Variants in CDC42SE2 observed in about 807,000 individuals in gnomAD.
The protein encoded by CDC42SE2 is CDC42 small effector 2, also known as CDC42 small effector protein 2.
A neutral mutation model predicts 11.5 loss-of-function variants in CDC42SE2; 3 were observed. The ratio of observed to expected loss-of-function variants is 0.26; its 90% confidence interval spans 0.12 to 0.67. CDC42SE2 has a LOEUF of 0.67. Ranked by LOEUF, CDC42SE2 falls within the 30% of genes least tolerant of loss-of-function variation. The pLI is 0.80. For synonymous variants in CDC42SE2, 33 were observed against 34.8 expected, an observed-to-expected ratio of 0.95 and a Z score of 0.18; for missense variants, 82 against 106.8, an observed-to-expected ratio of 0.77 and a Z score of 1.02.
At chr5:131,316,480 C>T (rs539897032) in intron 2 of CDC42SE2, among the ~76,000 whole-genome samples, 1 of 152,284 alleles carries the variant, frequency 6.6e-6, no homozygotes, top group South Asian at 2.1e-4. Flanking sequence ...CCATTTTAAT[C>T]TTAGTTGTGG....
At chr5:131,279,773 A>C (rs1436272912) in intron 1 of CDC42SE2, among the ~76,000 whole-genome samples, 3 of 152,118 alleles carry the variant, frequency 2.0e-5, no homozygotes, top group Admixed American at 2.0e-4. Flanking sequence ...TTATTGTTTA[A>C]AAATTGAACT....
chr5:131,232,459 A>G, the CDC42SE2 span, among the ~76,000 whole-genome samples: 3 of 152,088 alleles, frequency 2.0e-5, no homozygotes, highest in African/African-American at 7.2e-5. Flanking sequence ...TATCCTGGGC[A>G]CAGTGGCTCA....
intron 3 of CDC42SE2, among the ~76,000 whole-genome samples, chr5:131,374,687 C>G (rs1274579364): frequency 2.0e-5 from 3 of 151,860 alleles, no homozygotes; most frequent in Non-Finnish European, 4.4e-5. Flanking sequence ...TGTAAACACT[C>G]TTCACATAGA....
chr5:131,319,538 A>T (rs1758116726), intron 2 of CDC42SE2, among the ~76,000 whole-genome samples: 1 of 152,168 alleles, frequency 6.6e-6, no homozygotes, highest in Non-Finnish European at 1.5e-5. Context: ...TTTGACATGC[A>T]GTATTGTTTC....
intron 3 of CDC42SE2, among the ~76,000 whole-genome samples, chr5:131,365,482 G>T (rs922690969): frequency 6.6e-6 from 1 of 152,108 alleles, no homozygotes; most frequent in Admixed American, 6.6e-5. Flanking sequence ...ACCTCGTATG[G>T]CACAGATTTG....
intron 3 of CDC42SE2, among the ~76,000 whole-genome samples, chr5:131,372,876 T>C (rs1750050227): frequency 6.6e-6 from 1 of 152,188 alleles, no homozygotes; most frequent in Non-Finnish European, 1.5e-5. Flanking sequence ...TATATTAAGA[T>C]AATTTATGTA....
At chr5:131,342,388 C>CTTTTTTTTTTTGTTTTTTTTTTTTT (rs1758732439) in intron 2 of CDC42SE2, among the ~76,000 whole-genome samples, 1 of 111,334 alleles carries the variant, frequency 9.0e-6, no homozygotes, top group African/African-American at 4.4e-5. Flanking sequence ...TTTTAATAGT[C>CTTTTTTTTTTTGTTTTTTTTTTTTT]TTTTTTTTTT....
intron 2 of CDC42SE2, among the ~76,000 whole-genome samples, chr5:131,320,304 A>G (rs1446927141): frequency 6.6e-6 from 1 of 151,802 alleles, no homozygotes; most frequent in East Asian, 1.9e-4. Flanking sequence ...AGGCAGGAGA[A>G]TAGCTTGAAT....
the CDC42SE2 span, among the ~76,000 whole-genome samples, chr5:131,237,822 C>G: frequency 1.3e-4 from 20 of 152,174 alleles, no homozygotes; most frequent in Admixed American, 6.5e-5. Flanking sequence ...CTCCTAGCCT[C>G]AAGTGATGAT....
At chr5:131,340,830 A>C (rs1758695014) in intron 2 of CDC42SE2, among the ~76,000 whole-genome samples, 1 of 152,020 alleles carries the variant, frequency 6.6e-6, no homozygotes, top group East Asian at 1.9e-4. Flanking sequence ...GGCATGTACC[A>C]CCATGTCTGG....
At chr5:131,298,417 C>T (rs10077715) in intron 1 of CDC42SE2, among the ~76,000 whole-genome samples, 17,199 of 151,482 alleles carry the variant, frequency 0.11, 2,216 homozygotes, top group African/African-American at 0.32. Flanking sequence ...CCACCGCGCC[C>T]GGCATCTTTA....
At chr5:131,340,032 AGATT>A (rs1469200009) in intron 2 of CDC42SE2, among the ~76,000 whole-genome samples, 1 of 152,232 alleles carries the variant, frequency 6.6e-6, no homozygotes, top group African/African-American at 2.4e-5. Context: ...ACCAAGAATT[AGATT>A]GATAGTCTAC....
At chr5:131,363,100 C>T (rs375358296) in intron 3 of CDC42SE2, among the ~76,000 whole-genome samples, 12 of 151,622 alleles carry the variant, frequency 7.9e-5, no homozygotes, top group East Asian at 3.9e-4. Context: ...GCTGAGATTG[C>T]GCCGCTGTGC....
chr5:131,236,551 C>T, the CDC42SE2 span, among the ~76,000 whole-genome samples: 1 of 152,200 alleles, frequency 6.6e-6, no homozygotes, highest in South Asian at 2.1e-4. Context: ...CCTCAGCCTC[C>T]CGAGTAGCTG....
intron 1 of CDC42SE2, among the ~76,000 whole-genome samples, chr5:131,286,033 G>A (rs1457916705): frequency 6.7e-6 from 1 of 149,360 alleles, no homozygotes. Flanking sequence ...GTAAAGGAAA[G>A]TCTGGGAAAT....
At chr5:131,269,844 T>TG (rs1056246886) in intron 1 of CDC42SE2, among the ~76,000 whole-genome samples, 5 of 151,606 alleles carry the variant, frequency 3.3e-5, no homozygotes, top group African/African-American at 9.7e-5. Flanking sequence ...GTGGATCATC[T>TG]GAGTTCGGGA....
intron 2 of CDC42SE2, among the ~76,000 whole-genome samples, chr5:131,350,920 G>A (rs1343402615): frequency 6.6e-6 from 1 of 152,008 alleles, no homozygotes; most frequent in Non-Finnish European, 1.5e-5. Context: ...CTTAGAAGTA[G>A]ACTGAATGTT....
intron 4 of CDC42SE2, among the ~76,000 whole-genome samples, chr5:131,387,338 C>T (rs1750517480): frequency 6.6e-6 from 1 of 152,116 alleles, no homozygotes; most frequent in Non-Finnish European, 1.5e-5. Context: ...CATCTGAGCT[C>T]AGGATTTCAA....
chr5:131,335,346 T>A (rs1280097340), intron 2 of CDC42SE2, among the ~76,000 whole-genome samples: 2 of 152,144 alleles, frequency 1.3e-5, no homozygotes, highest in Non-Finnish European at 2.9e-5. Flanking sequence ...TTGTTATGAT[T>A]TCTGTTCTTT....
Sources: gnomAD v4.1 joint callset for allele counts (sites outside exome capture counted in the v4.1 genomes callset) on GRCh38, gnomAD v4.1.1 for gene constraint, MANE v1.5 for transcripts, NCBI Gene and HGNC (gene_info 2026-07-23, HGNC 2026-07-21) for gene names.